The following PIK3C2G variants were observed in gnomAD, a reference collection of about 807,000 sequenced individuals.
PIK3C2G encodes the protein phosphatidylinositol-4-phosphate 3-kinase catalytic subunit type 2 gamma, also known as phosphatidylinositol 3-kinase C2 domain-containing subunit gamma.
Under a neutral mutation model 181.1 loss-of-function variants are expected in PIK3C2G, and 168 were observed. The observed-to-expected ratio is 0.93, with a 90% CI of 0.82 to 1.05. The LOEUF (loss-of-function observed/expected upper bound fraction) is 1.05, where lower values mean the gene tolerates loss of function less well. Ranked by LOEUF, PIK3C2G falls within the 50% of genes least tolerant of loss-of-function variation. PIK3C2G has a pLI of 0.00. For missense variants in PIK3C2G, 1,869 were observed against 1,732.8 expected, an observed-to-expected ratio of 1.08 and a Z score of -1.40; for synonymous variants, 573 against 592.2, an observed-to-expected ratio of 0.97 and a Z score of 0.47.
At position 18,467,489 on chromosome 12, in the gene PIK3C2G, T is replaced by C. The variant is rs543569463; in HGVS notation, c.2505-20960T>C. 2.6e-5 allele frequency among the ~76,000 whole-genome samples: 4 copies of C among 151,778 alleles called. No individual in the cohort carries two copies. The South Asian group carries it at 8.3e-4, about 32-fold the overall frequency. On this transcript the variant is annotated intron_variant, in intron 18 of 32. Transcript: ENST00000538779. ...TTTTACAAAATTTTATTTACAGGTT[T>C]TTTTTTTTTCAGACACTTTTCAACT...
the PIK3C2G span, chr12:18,683,990 G>A: frequency 9.4e-7 from 1 of 1,059,858 alleles, no homozygotes. Context: ...ATTCCACAGA[G>A]AAAAAATATG....
intron 32 of PIK3C2G, among the ~76,000 whole-genome samples, chr12:18,641,333 T>TGATA (rs1949825929): frequency 6.6e-6 from 1 of 152,122 alleles, no homozygotes; most frequent in Admixed American, 6.6e-5. Flanking sequence ...TGACCTTTAT[T>TGATA]GATAGTACTT....
intron 7 of PIK3C2G, among the ~76,000 whole-genome samples, chr12:18,321,888 A>G (rs1022085038): frequency 1.3e-5 from 2 of 152,146 alleles, no homozygotes; most frequent in South Asian, 4.1e-4. Context: ...GAGCTGAACA[A>G]TGAGAACACA....
chr12:18,547,644 A>AAAAACAAAACAAAACAAAAC lies in PIK3C2G; in HGVS notation c.3590+1217_3590+1236dup, dbSNP rs143686648. On this transcript the variant is annotated intron_variant, in intron 26 of 32. Coordinates refer to ENST00000538779, the MANE Select transcript of PIK3C2G (RefSeq NM_001288772.2). ...ATGGAACTCCAGGAAGAGTTGTTGC[A>AAAAACAAAACAAAACAAAAC]AAAACAAAACAAAACAAAACAAAAA... Among the ~76,000 whole-genome samples, 328 of 151,080 alleles carry AAAAACAAAACAAAACAAAAC rather than the reference A, an allele frequency of 2.2e-3. 1 individual carries two copies. Among genetic ancestry groups the AAAAACAAAACAAAACAAAAC allele is most frequent in the South Asian group, 0.012 (58 of 4,772 alleles).
At chr12:18,303,115 C>CTCT (rs1555153548) in intron 5 of PIK3C2G, among the ~76,000 whole-genome samples, 1 of 136,604 alleles carries the variant, frequency 7.3e-6, no homozygotes, top group Non-Finnish European at 1.6e-5. Context: ...TCTTTCTTTC[C>CTCT]TTCTTTCTTT....
At chr12:18,694,960 A>G in the PIK3C2G span, 1 of 1,605,638 alleles carries the variant, frequency 6.2e-7, no homozygotes, top group Non-Finnish European at 8.5e-7. Context: ...CTTGGGTTAA[A>G]GTATGATTTA....
intron 11 of PIK3C2G, among the ~76,000 whole-genome samples, chr12:18,351,122 T>C (rs1322101388): frequency 1.3e-5 from 2 of 152,084 alleles, no homozygotes; most frequent in African/African-American, 4.8e-5. Context: ...CTTTCTGAGA[T>C]GCAACTTAGA....
chr12:18,700,091 T>G, the PIK3C2G span: 2 of 701,902 alleles, frequency 2.8e-6, no homozygotes, highest in Non-Finnish European at 4.8e-6. Context: ...TTTGATTAAC[T>G]CAATATGATT....
intron 31 of PIK3C2G, among the ~76,000 whole-genome samples, chr12:18,629,572 G>A (rs1249620670): frequency 1.3e-5 from 2 of 152,180 alleles, no homozygotes; most frequent in Non-Finnish European, 2.9e-5. Context: ...TACAAATAAA[G>A]TCTGGCTCCA....
At chr12:18,378,918 A>G (rs1174815853) in intron 13 of PIK3C2G, among the ~76,000 whole-genome samples, 1 of 152,218 alleles carries the variant, frequency 6.6e-6, no homozygotes, top group Non-Finnish European at 1.5e-5. Flanking sequence ...TGTTGGTGGG[A>G]CTGTAAACTG....
chr12:18,520,028 A>G (rs1021378562), intron 24 of PIK3C2G, among the ~76,000 whole-genome samples: 2 of 149,572 alleles, frequency 1.3e-5, no homozygotes, highest in South Asian at 4.3e-4. Context: ...AAAAAAAAAG[A>G]ATGTTGAATA....
At chr12:18,712,694 A>ACTGCCT in the PIK3C2G span, 2 of 966,488 alleles carry the variant, frequency 2.1e-6, no homozygotes, top group Non-Finnish European at 3.1e-6. Context: ...AACTATATAC[A>ACTGCCT]ACATGGATTT....
At chr12:18,415,793 T>C (rs1042264032) in intron 16 of PIK3C2G, among the ~76,000 whole-genome samples, 5 of 152,166 alleles carry the variant, frequency 3.3e-5, no homozygotes, top group Non-Finnish European at 5.9e-5. Context: ...AGGGACAAAG[T>C]CGGAGTGATT....
intron 12 of PIK3C2G, 37 bp downstream of exon 12, chr12:18,362,923 T>C (rs1941368180): frequency 7.1e-7 from 1 of 1,405,660 alleles, no homozygotes; most frequent in Non-Finnish European, 9.4e-7. Flanking sequence ...ATCATTTATG[T>C]AATAAATGTC....
chr12:18,715,635 T>G, the PIK3C2G span: 4 of 151,976 alleles, frequency 2.6e-5, no homozygotes, highest in African/African-American at 9.7e-5. Context: ...AAATTTTGCT[T>G]TTTGTTTTTG....
chr12:18,574,989 C>T (rs1461622500), intron 29 of PIK3C2G, among the ~76,000 whole-genome samples: 1 of 152,128 alleles, frequency 6.6e-6, no homozygotes, highest in African/African-American at 2.4e-5. Flanking sequence ...AAAATAGACT[C>T]ACTGACTCAG....
intron 30 of PIK3C2G, among the ~76,000 whole-genome samples, chr12:18,605,877 C>T (rs985597827): frequency 1.3e-5 from 2 of 152,152 alleles, no homozygotes; most frequent in African/African-American, 2.4e-5. Flanking sequence ...TTGGAGATCA[C>T]TTAAACCTGC....
chr12:18,584,650 C>A (rs1946679674), intron 29 of PIK3C2G, among the ~76,000 whole-genome samples: 1 of 152,156 alleles, frequency 6.6e-6, no homozygotes, highest in Non-Finnish European at 1.5e-5. Flanking sequence ...ACTTCCCCAA[C>A]ATTGCTAGAG....
At chr12:18,357,220 TATATA>T (rs1940824035) in intron 11 of PIK3C2G, among the ~76,000 whole-genome samples, 1 of 152,182 alleles carries the variant, frequency 6.6e-6, no homozygotes, top group Non-Finnish European at 1.5e-5. Context: ...ATTATATACA[TATATA>T]ATAGTTTAAA....
Sources: gnomAD v4.1 joint callset for allele counts (sites outside exome capture counted in the v4.1 genomes callset) on GRCh38, gnomAD v4.1.1 for gene constraint, MANE v1.5 for transcripts, NCBI Gene and HGNC (gene_info 2026-07-23, HGNC 2026-07-21) for gene names.